Variants in TNNI3K observed in about 807,000 individuals in gnomAD.
The protein encoded by TNNI3K is TNNI3 interacting kinase, also known as serine/threonine-protein kinase TNNI3K.
Under a neutral mutation model 114.5 loss-of-function variants are expected in TNNI3K, and 140 were observed. The observed-to-expected ratio is 1.22, with a 90% CI of 1.07 to 1.41. The LOEUF (loss-of-function observed/expected upper bound fraction) is 1.41. Among genes scored for constraint, TNNI3K ranks in the 40% most tolerant of loss-of-function variants. The pLI is 0.00. For missense variants in TNNI3K, 1,125 were observed against 1,007.6 expected, an observed-to-expected ratio of 1.12 and a Z score of -1.58; for synonymous variants, 347 against 347.5, an observed-to-expected ratio of 1.00 and a Z score of 0.02.
chr1:74,336,224 G>A, intron 7 of TNNI3K, 75 bp downstream of exon 7: 1 of 1,500,326 alleles, frequency 6.7e-7, no homozygotes, highest in Admixed American at 2.7e-5. Flanking sequence ...TCTCTTACTA[G>A]AGAATAATCT....
At chr1:74,338,718 G>A (rs897329663) in intron 7 of TNNI3K, among the ~76,000 whole-genome samples, 2 of 152,076 alleles carry the variant, frequency 1.3e-5, no homozygotes, top group Non-Finnish European at 2.9e-5. Flanking sequence ...AGACAACCGT[G>A]GCAAGAGACT....
intron 5 of TNNI3K, among the ~76,000 whole-genome samples, chr1:74,306,031 A>G (rs1411122132): frequency 1.3e-5 from 2 of 152,176 alleles, no homozygotes; most frequent in African/African-American, 2.4e-5. Context: ...TCACTTTTGG[A>G]AACCTCAGTG....
intron 21 of TNNI3K, chr1:74,480,361 G>A: frequency 1.4e-6 from 1 of 717,712 alleles, no homozygotes; most frequent in Non-Finnish European, 2.6e-6. Context: ...AAGACTTAAT[G>A]TAGTTTCTTA....
At chr1:74,386,805 A>C (rs1049711127) in intron 17 of TNNI3K, among the ~76,000 whole-genome samples, 2 of 152,170 alleles carry the variant, frequency 1.3e-5, no homozygotes, top group African/African-American at 4.8e-5. Context: ...CTTCAAAATA[A>C]ACATGATGAA....
At chr1:74,475,754 C>T in intron 21 of TNNI3K, 1 of 648,198 alleles carries the variant, frequency 1.5e-6, no homozygotes, top group Non-Finnish European at 2.8e-6. Context: ...TTTGCTTTGC[C>T]TTGGTGGAGT....
intron 5 of TNNI3K, among the ~76,000 whole-genome samples, chr1:74,326,404 T>C (rs997332363): frequency 3.3e-5 from 5 of 152,196 alleles, no homozygotes; most frequent in South Asian, 4.1e-4. Flanking sequence ...GTTAAAGTTA[T>C]ACTGTAGCAA....
chr1:74,348,734 C>T (rs1449805562), intron 9 of TNNI3K, among the ~76,000 whole-genome samples: 1 of 152,028 alleles, frequency 6.6e-6, no homozygotes, highest in Non-Finnish European at 1.5e-5. Context: ...AGTTGGATTC[C>T]TAGGTATTTT....
rs200235152 is a variant in TNNI3K at position 74,343,154 on chromosome 1, A to C, written c.907A>C (p.Ile303Leu). The change falls in exon 9 of 25, where the codon ATC (isoleucine) becomes CTC (leucine). Residue 303 changes from isoleucine (I) to leucine (L), a missense_variant. Coordinates refer to ENST00000326637, the MANE Select transcript of TNNI3K (RefSeq NM_015978.3). ...SGTESLTKENIFSETAFHSAC... is the reference protein window; with the variant it reads ...SGTESLTKENLFSETAFHSAC... ...AACAGAAAGTCTGACTAAGGAAAAC[A>C]TCTTCAGTGAAACAGCTTTTCATAG... 6.2e-7 allele frequency: 1 copy of C among 1,612,534 alleles called. No homozygotes were observed. The highest frequency in any genetic ancestry group is 2.2e-5 in the East Asian group (1 of 44,814).
chr1:74,446,153 C>T (rs1420749481), intron 20 of TNNI3K, among the ~76,000 whole-genome samples: 1 of 152,098 alleles, frequency 6.6e-6, no homozygotes, highest in African/African-American at 2.4e-5. Context: ...TACAGTCCCA[C>T]CAACAGTGTA....
chr1:74,309,852 A>G (rs1419069448), intron 5 of TNNI3K, among the ~76,000 whole-genome samples: 1 of 152,192 alleles, frequency 6.6e-6, no homozygotes, highest in Admixed American at 6.5e-5. Context: ...ACCCAACATC[A>G]TACTGAAAGG....
At chr1:74,260,146 T>A (rs1655577187) in intron 4 of TNNI3K, among the ~76,000 whole-genome samples, 1 of 152,226 alleles carries the variant, frequency 6.6e-6, no homozygotes, top group African/African-American at 2.4e-5. Flanking sequence ...ATTATTGCAC[T>A]CTCTTTTGGG....
intron 23 of TNNI3K, among the ~76,000 whole-genome samples, chr1:74,502,130 G>T (rs1245669855): frequency 6.6e-6 from 1 of 152,104 alleles, no homozygotes. Flanking sequence ...GAGTCAGTAT[G>T]AGAACTTCAT....
At chr1:74,518,509 T>C (rs1428447919) in intron 23 of TNNI3K, among the ~76,000 whole-genome samples, 1 of 152,152 alleles carries the variant, frequency 6.6e-6, no homozygotes, top group Non-Finnish European at 1.5e-5. Context: ...CACCTCAATA[T>C]GCCTTCTTTT....
At chr1:74,261,062 T>A (rs1655643575) in intron 4 of TNNI3K, among the ~76,000 whole-genome samples, 1 of 152,116 alleles carries the variant, frequency 6.6e-6, no homozygotes, top group African/African-American at 2.4e-5. Context: ...AAGCTCAGAT[T>A]GGTAGAAAAA....
intron 11 of TNNI3K, among the ~76,000 whole-genome samples, chr1:74,363,488 G>A (rs1662086638): frequency 6.6e-6 from 1 of 152,016 alleles, no homozygotes; most frequent in South Asian, 2.1e-4. Flanking sequence ...TGTGCTGGCA[G>A]GAAATGAAAA....
intron 2 of TNNI3K, among the ~76,000 whole-genome samples, chr1:74,246,643 T>C (rs1654576196): frequency 2.6e-5 from 4 of 152,124 alleles, no homozygotes; most frequent in South Asian, 2.1e-4. Context: ...AGAAAAACTA[T>C]GTAACCAGCA....
intron 23 of TNNI3K, among the ~76,000 whole-genome samples, chr1:74,533,552 C>T (rs1371049979): frequency 6.6e-6 from 1 of 152,182 alleles, no homozygotes; most frequent in Non-Finnish European, 1.5e-5. Context: ...CCCAGCCATC[C>T]TATTACTGGG....
intron 5 of TNNI3K, among the ~76,000 whole-genome samples, chr1:74,312,503 A>G (rs759573091): frequency 1.1e-4 from 17 of 152,236 alleles, no homozygotes; most frequent in Admixed American, 7.2e-4. Context: ...ATTATTTATG[A>G]CTGATCTTGC....
intron 23 of TNNI3K, among the ~76,000 whole-genome samples, chr1:74,515,044 C>T (rs540509792): frequency 6.6e-6 from 1 of 152,270 alleles, no homozygotes; most frequent in South Asian, 2.1e-4. Context: ...GATCGTAGCC[C>T]TCACCAGAAA....
Sources: gnomAD v4.1 joint callset for allele counts (sites outside exome capture counted in the v4.1 genomes callset) on GRCh38, gnomAD v4.1.1 for gene constraint, MANE v1.5 for transcripts, NCBI Gene and HGNC (gene_info 2026-07-23, HGNC 2026-07-21) for gene names.